VPS37A: variants seen among roughly 807,000 people sequenced by gnomAD.
VPS37A encodes the protein vacuolar protein sorting-associated protein 37A.
A neutral mutation model predicts 49.8 loss-of-function variants in VPS37A; 30 were observed. The observed-to-expected ratio is 0.60, with a 90% CI of 0.45 to 0.82. The LOEUF (loss-of-function observed/expected upper bound fraction) is 0.82, where lower values mean the gene tolerates loss of function less well. Ranked by LOEUF, VPS37A falls within the 40% of genes least tolerant of loss-of-function variation. The pLI, the probability that VPS37A is intolerant of heterozygous loss-of-function variation, is 0.00. For missense variants in VPS37A, 593 were observed against 464.4 expected, an observed-to-expected ratio of 1.28 and a Z score of -2.55; for synonymous variants, 195 against 160.6, an observed-to-expected ratio of 1.21 and a Z score of -1.62.
Position 17,262,287 on chromosome 8 carries a change from A to G in VPS37A, c.126-3620A>G, listed in dbSNP as rs556690260. Among the ~76,000 whole-genome samples, 37 of 152,308 alleles carry G rather than the reference A, an allele frequency of 2.4e-4. 1 individual carries two copies. The East Asian group carries it at 6.9e-3, about 29-fold the overall frequency. On this transcript the variant is annotated intron_variant, in intron 1 of 11. Transcript: ENST00000324849. The stretch of plus-strand genomic sequence containing the variant: ...GTTTTCTGTGACATTAAGTGAAGCC[A>G]GCTTGCTTCTGTGACACCATTTTGG...
At chr8:17,294,721 C>T (rs1333988104) in intron 11 of VPS37A, among the ~76,000 whole-genome samples, 3 of 152,164 alleles carry the variant, frequency 2.0e-5, no homozygotes, top group African/African-American at 7.2e-5. Flanking sequence ...GGTGAGGCAA[C>T]ACCCCACCCT....
downstream of VPS37A, chr8:17,302,010 C>T: frequency 9.3e-7 from 1 of 1,070,528 alleles, no homozygotes; most frequent in Non-Finnish European, 1.4e-6. Context: ...TGAGTCCTGA[C>T]CTGGATGGGG....
downstream of VPS37A, chr8:17,300,112 G>A: frequency 1.2e-6 from 2 of 1,614,148 alleles, no homozygotes; most frequent in Non-Finnish European, 8.5e-7. Flanking sequence ...ATCCTGGGGA[G>A]TGTTGGCTAT....
chr8:17,291,015 T>TTTG (rs776856084), intron 11 of VPS37A, among the ~76,000 whole-genome samples: 9 of 152,082 alleles, frequency 5.9e-5, no homozygotes, highest in Non-Finnish European at 1.3e-4. Flanking sequence ...TGATCTTTTT[T>TTTG]TTGTTGTTGT....
chr8:17,303,635 G>A (rs1473067552), downstream of VPS37A, among the ~76,000 whole-genome samples: 3 of 145,744 alleles, frequency 2.1e-5, no homozygotes, highest in South Asian at 4.3e-4. Flanking sequence ...TTGAGATGGA[G>A]TTTTGCTCTT....
the VPS37A span, among the ~76,000 whole-genome samples, chr8:17,325,099 G>C: frequency 6.6e-6 from 1 of 152,110 alleles, no homozygotes; most frequent in Non-Finnish European, 1.5e-5. Context: ...ACGGAAGAAT[G>C]TGTCGAGCAA....
chr8:17,275,820 G>A (rs906059169), intron 5 of VPS37A, among the ~76,000 whole-genome samples: 1 of 152,148 alleles, frequency 6.6e-6, no homozygotes, highest in African/African-American at 2.4e-5. Context: ...TAATCATTTA[G>A]AAGATACAGA....
rs1376907091 is a variant in VPS37A at position 17,295,892 on chromosome 8, C to T, written c.*906C>T. 6.6e-6 allele frequency: 1 copy of T among 152,022 alleles called. No individual in the cohort carries two copies. The highest frequency in any genetic ancestry group is 6.6e-5 in the Admixed American group (1 of 15,256). 9.4% of individuals were successfully genotyped at this position (152,022 alleles called of 1,614,324 possible). On this transcript the variant is annotated 3_prime_UTR_variant, in exon 12 of 12. Transcript: ENST00000324849. ...AGTAAAATTTAATTTTTAGGCAATC[C>T]TGATTTTTAATGAATTTAATTGAGT...
intron 1 of VPS37A, among the ~76,000 whole-genome samples, chr8:17,257,610 A>G (rs569120109): frequency 3.3e-5 from 5 of 152,326 alleles, no homozygotes; most frequent in African/African-American, 9.6e-5. Flanking sequence ...CATTCTGCAC[A>G]TGTACTCCAG....
chr8:17,286,364 A>T lies in VPS37A; in HGVS notation c.1131A>T (p.Arg377Ser). The change falls in exon 11 of 12, where the codon AGA (arginine) becomes AGT (serine). Residue 377 changes from arginine (R) to serine (S), a missense_variant. Transcript: ENST00000324849. The part of the protein sequence containing the change: ...MEKRTICHCR[R>S]AKEEKLQQAI... ...TTTTCTAGATTTGCCACTGTAGAAG[A>T]GCCAAGGAAGAGAAACTTCAGCAGG... is the stretch of plus-strand genomic sequence containing the variant. 6.2e-7 allele frequency: 1 copy of T among 1,613,814 alleles called. No homozygotes were observed. The highest frequency in any genetic ancestry group is 8.5e-7 in the Non-Finnish European group (1 of 1,179,852).
At chr8:17,304,464 A>T (rs370848870), downstream of VPS37A, 33 of 1,614,100 alleles carry the variant, frequency 2.0e-5, no homozygotes, top group East Asian at 4.2e-4. Context: ...GGATTCAGGT[A>T]GTCGGCCCGA....
chr8:17,286,373 A>C lies in VPS37A; in HGVS notation c.1140A>C (p.Glu380Asp). The C allele has an allele frequency of 6.2e-7, 1 of 1,613,886 alleles. No homozygotes were observed. Among genetic ancestry groups the C allele is most frequent in the Non-Finnish European group, 8.5e-7 (1 of 1,179,886 alleles). ...RTICHCRRAKEEKLQQAIAMH... is the reference protein window; with the variant it reads ...RTICHCRRAKDEKLQQAIAMH... The stretch of plus-strand genomic sequence containing the variant: ...TTTGCCACTGTAGAAGAGCCAAGGA[A>C]GAGAAACTTCAGCAGGCGATAGCAA... Residue 380 changes from glutamate (E) to aspartate (D), a missense_variant, in exon 11 of 12, where the codon GAA (glutamate) becomes GAC (aspartate). Transcript: ENST00000324849.
chr8:17,311,731 A>G, the VPS37A span: 1 of 1,566,618 alleles, frequency 6.4e-7, no homozygotes, highest in South Asian at 1.2e-5. Flanking sequence ...ATTTACAGAA[A>G]GAAACAGCCA....
chr8:17,316,296 T>G, the VPS37A span, among the ~76,000 whole-genome samples: 2 of 151,974 alleles, frequency 1.3e-5, no homozygotes, highest in African/African-American at 4.8e-5. Context: ...TACATATATA[T>G]TATAGTCTGC....
intron 11 of VPS37A, among the ~76,000 whole-genome samples, chr8:17,294,154 A>T (rs1816396260): frequency 6.6e-6 from 1 of 152,282 alleles, no homozygotes; most frequent in Middle Eastern, 3.4e-3. Flanking sequence ...CCCTGCCCAG[A>T]GAGGAGGAAT....
intron 1 of VPS37A, among the ~76,000 whole-genome samples, chr8:17,260,562 C>G (rs1456803709): frequency 6.6e-6 from 1 of 152,066 alleles, no homozygotes; most frequent in African/African-American, 2.4e-5. Context: ...TTTCATGCCT[C>G]CAGATGTTTT....
At chr8:17,319,477 C>T in the VPS37A span, among the ~76,000 whole-genome samples, 2 of 152,198 alleles carry the variant, frequency 1.3e-5, no homozygotes. Flanking sequence ...AGCAGAAAGA[C>T]ATCTCAAATG....
At chr8:17,333,370 C>G in the VPS37A span, among the ~76,000 whole-genome samples, 30 of 152,238 alleles carry the variant, frequency 2.0e-4, no homozygotes, top group South Asian at 5.4e-3. Flanking sequence ...TAAAATATCA[C>G]TGCTTTGTAT....
the VPS37A span, among the ~76,000 whole-genome samples, chr8:17,313,897 T>TA: frequency 6.6e-6 from 1 of 152,170 alleles, no homozygotes; most frequent in African/African-American, 2.4e-5. Flanking sequence ...ATGAAAATGA[T>TA]CAAACTCCTC....
Sources: allele counts gnomAD v4.1 joint callset (sites outside exome capture counted in the v4.1 genomes callset), GRCh38; gene constraint gnomAD v4.1.1; transcripts MANE v1.5; gene names NCBI Gene and HGNC (gene_info 2026-07-23, HGNC 2026-07-21).